Variants in GPC6 observed in about 807,000 individuals in gnomAD.
GPC6 encodes the protein glypican 6, also known as glypican-6.
A neutral mutation model predicts 55.2 loss-of-function variants in GPC6; 14 were observed. That is an observed-to-expected ratio of 0.25 (90% CI 0.17 to 0.40). The LOEUF (loss-of-function observed/expected upper bound fraction) is 0.40, where lower values mean the gene tolerates loss of function less well. Ranked by LOEUF, GPC6 falls within the 10% of genes least tolerant of loss-of-function variation. The pLI is 1.00. For synonymous variants in GPC6, 278 were observed against 259.6 expected, an observed-to-expected ratio of 1.07 and a Z score of -0.68; for missense variants, 641 against 708.5, an observed-to-expected ratio of 0.90 and a Z score of 1.08.
intron 2 of GPC6, among the ~76,000 whole-genome samples, chr13:93,652,009 A>G (rs1267353051): frequency 6.6e-6 from 1 of 152,182 alleles, no homozygotes; most frequent in Non-Finnish European, 1.5e-5. Flanking sequence ...TGGAGGAAAA[A>G]CAAGATAACC....
chr13:93,622,571 T>C (rs1290076843), intron 2 of GPC6, among the ~76,000 whole-genome samples: 1 of 152,208 alleles, frequency 6.6e-6, no homozygotes, highest in Non-Finnish European at 1.5e-5. Context: ...CTTAATGATC[T>C]TCCTCTGCTA....
chr13:93,883,655 G>T (rs1555339183), intron 3 of GPC6, among the ~76,000 whole-genome samples: 3 of 151,834 alleles, frequency 2.0e-5, no homozygotes, highest in Non-Finnish European at 2.9e-5. Flanking sequence ...GAGATTCTTT[G>T]TTTTTTTCTT....
At chr13:93,927,636 T>G (rs2140351268) in intron 3 of GPC6, among the ~76,000 whole-genome samples, 1 of 148,946 alleles carries the variant, frequency 6.7e-6, no homozygotes, top group African/African-American at 2.5e-5. Context: ...CATAGTAAAA[T>G]ACAACTTTGG....
At chr13:93,976,096 T>C (rs1438613451) in intron 3 of GPC6, among the ~76,000 whole-genome samples, 1 of 152,160 alleles carries the variant, frequency 6.6e-6, no homozygotes, top group Admixed American at 6.6e-5. Context: ...CACTCCTCCA[T>C]TGAGCCAATT....
rs750438566 is a variant in GPC6, at chr13:93,826,625, G to A, written c.320-3529G>A. Among the ~76,000 whole-genome samples, 193 of 152,208 alleles carry A rather than the reference G, an allele frequency of 1.3e-3. 5 individuals carry two copies. The highest frequency in any genetic ancestry group is 5.4e-4 in the Non-Finnish European group (37 of 68,036). On this transcript the variant is annotated intron_variant, in intron 2 of 8. Coordinates refer to ENST00000377047, the MANE Select transcript of GPC6 (RefSeq NM_005708.5). ...TGTAGTGTTAACAAGACATTTCTGA[G>A]TTGAATGGGAAAAGCTTTTGCTGTG...
At chr13:93,503,831 G>A (rs1202342601) in intron 1 of GPC6, among the ~76,000 whole-genome samples, 1 of 152,062 alleles carries the variant, frequency 6.6e-6, no homozygotes, top group Non-Finnish European at 1.5e-5. Flanking sequence ...AATAGAACCA[G>A]TTACAGAGAG....
intron 1 of GPC6, among the ~76,000 whole-genome samples, chr13:93,342,202 G>A (rs1880282063): frequency 6.6e-6 from 1 of 152,076 alleles, no homozygotes; most frequent in South Asian, 2.1e-4. Flanking sequence ...TAGGTTCTTA[G>A]GGACACAGGG....
chr13:93,797,229 C>G (rs1207031820), intron 2 of GPC6, among the ~76,000 whole-genome samples: 1 of 152,164 alleles, frequency 6.6e-6, no homozygotes, highest in Non-Finnish European at 1.5e-5. Flanking sequence ...TTCTAACAGG[C>G]TCCGGGTGAT....
At chr13:93,900,793 T>C (rs767623109) in intron 3 of GPC6, among the ~76,000 whole-genome samples, 25 of 152,136 alleles carry the variant, frequency 1.6e-4, no homozygotes, top group Non-Finnish European at 2.9e-4. Flanking sequence ...ATAAAGATGA[T>C]GTGTGAAAAA....
chr13:93,834,672 AT>A (rs1026406229), intron 3 of GPC6, among the ~76,000 whole-genome samples: 2 of 152,092 alleles, frequency 1.3e-5, no homozygotes. Context: ...ATGTAGAAAG[AT>A]TTTACCATTT....
intron 3 of GPC6, among the ~76,000 whole-genome samples, chr13:93,909,416 G>A (rs1238314377): frequency 6.6e-6 from 1 of 151,946 alleles, no homozygotes; most frequent in Non-Finnish European, 1.5e-5. Flanking sequence ...TGAAAGGCAG[G>A]ATATAGCACT....
At chr13:93,677,717 A>G (rs887216332) in intron 2 of GPC6, among the ~76,000 whole-genome samples, 3 of 152,168 alleles carry the variant, frequency 2.0e-5, no homozygotes, top group African/African-American at 7.2e-5. Context: ...ATGACTAATT[A>G]CAAGGGTTAA....
At chr13:93,991,827 T>C (rs2140415837) in intron 3 of GPC6, among the ~76,000 whole-genome samples, 1 of 152,334 alleles carries the variant, frequency 6.6e-6, no homozygotes, top group East Asian at 1.9e-4. Flanking sequence ...TTAGTATGTG[T>C]AATGATATAA....
chr13:94,288,779 T>TATATATAATAAATATATATATA (rs1874698733), intron 5 of GPC6, among the ~76,000 whole-genome samples: 1 of 63,806 alleles, frequency 1.6e-5, no homozygotes, highest in Admixed American at 1.5e-4. Flanking sequence ...ATATATTTGT[T>TATATATAATAAATATATATATA]ATATATATAA....
chr13:94,339,360 G>A (rs1046764302), intron 6 of GPC6, among the ~76,000 whole-genome samples: 1 of 152,008 alleles, frequency 6.6e-6, no homozygotes, highest in Admixed American at 6.6e-5. Flanking sequence ...CATCGCACCC[G>A]GCCTATTTTA....
chr13:94,308,268 T>G (rs770127599), intron 6 of GPC6, among the ~76,000 whole-genome samples: 7 of 152,234 alleles, frequency 4.6e-5, no homozygotes, highest in Non-Finnish European at 8.8e-5. Context: ...TTTTTGCAGC[T>G]TAGCATAAAC....
At chr13:93,632,615 A>ATGTGTGTG (rs141057605) in intron 2 of GPC6, among the ~76,000 whole-genome samples, 9 of 109,682 alleles carry the variant, frequency 8.2e-5, no homozygotes, top group South Asian at 3.0e-4. Context: ...GTGTATATAT[A>ATGTGTGTG]TGTATATATA....
chr13:93,264,901 C>T (rs1594060448), intron 1 of GPC6, among the ~76,000 whole-genome samples: 1 of 151,900 alleles, frequency 6.6e-6, no homozygotes, highest in South Asian at 2.1e-4. Flanking sequence ...GAGGGCTTAC[C>T]GTATTTAGAA....
chr13:93,642,820 TA>T (rs1010505534), intron 2 of GPC6, among the ~76,000 whole-genome samples: 6 of 152,172 alleles, frequency 3.9e-5, no homozygotes, highest in African/African-American at 1.4e-4. Flanking sequence ...AACAGTATTC[TA>T]CGGCTTCTCT....
Sources: allele counts gnomAD v4.1 joint callset (sites outside exome capture counted in the v4.1 genomes callset), GRCh38; gene constraint gnomAD v4.1.1; transcripts MANE v1.5; gene names NCBI Gene and HGNC (gene_info 2026-07-23, HGNC 2026-07-21).